The following SEC61A2 variants were observed in gnomAD, a reference collection of about 807,000 sequenced individuals.
SEC61A2 encodes SEC61 translocon subunit alpha 2.
Under a neutral mutation model 59.9 loss-of-function variants are expected in SEC61A2, and 28 were observed. The observed-to-expected ratio is 0.47, with a 90% confidence interval of 0.35 to 0.64. SEC61A2 has a LOEUF of 0.64. Ranked by LOEUF, SEC61A2 falls within the 30% of genes least tolerant of loss-of-function variation. The pLI is 0.01. For synonymous variants in SEC61A2, 202 were observed against 214.4 expected, an observed-to-expected ratio of 0.94 and a Z score of 0.50; for missense variants, 340 against 585.9, an observed-to-expected ratio of 0.58 and a Z score of 4.33.
At position 12,145,168 on chromosome 10, in the gene SEC61A2, C is replaced by G. The variant is rs567100647; in HGVS notation, c.220+1973C>G. 6.6e-6 allele frequency among the ~76,000 whole-genome samples: 1 copy of G among 151,978 alleles called. No homozygotes were observed. The highest frequency in any genetic ancestry group is 2.4e-5 in the African/African-American group (1 of 41,382). ...GTCAGATCATGAAGGGCTTGGAGAC[C>G]GTTGGATGGAGCACATTTTAAGGAA... On this transcript the variant is annotated intron_variant, in intron 4 of 11. Transcript: ENST00000298428. This position sits in a 1 kb window ranked among gnomAD's most constrained non-coding sequence, Gnocchi z 4.4.
rs775948230 is a variant in SEC61A2, at chr10:12,158,458, C to T, written c.975+353C>T. Among the ~76,000 whole-genome samples, 5 of 152,080 alleles carry T rather than the reference C, an allele frequency of 3.3e-5. No homozygotes were observed. The highest frequency in any genetic ancestry group is 4.4e-5 in the Non-Finnish European group (3 of 68,018). ...AAAGATGCTATTTGCTGGCTGGGTG[C>T]GGTGGCTCACTCCTGTAATCCCAGG... On this transcript the variant is annotated intron_variant, in intron 9 of 11. Coordinates refer to ENST00000298428, the MANE Select transcript of SEC61A2 (RefSeq NM_018144.4). The surrounding 1 kb of genome is among the most constrained non-coding windows in gnomAD (Gnocchi z 5.7).
chr10:12,160,945 G>T lies in SEC61A2; in HGVS notation c.991G>T (p.Gly331Ter). 6.2e-7 allele frequency: 1 copy of T among 1,612,700 alleles called. No individual in the cohort carries two copies. The highest frequency in any genetic ancestry group is 8.5e-7 in the Non-Finnish European group (1 of 1,179,390). The change falls in exon 10 of 12, where the codon GGA becomes TGA. Residue 331 changes from glycine (G) to a stop codon, truncating the protein, a stop_gained. Coordinates refer to ENST00000298428, the MANE Select transcript of SEC61A2 (RefSeq NM_018144.4). LOFTEE classifies it high-confidence loss of function. This position sits in a 1 kb window ranked among gnomAD's most constrained non-coding sequence, Gnocchi z 4.1. ...LGQWADVSGGGPARSYPVGGL... is the reference protein window; with the variant it reads ...LGQWADVSGG ...TGTTCTGTAGGATGTCAGTGGGGGA[G>T]GACCCGCACGTTCTTACCCAGTTGG...
rs1267097668 is a variant in SEC61A2 at position 12,152,963 on chromosome 10, G to C, written c.463-2815G>C. Among the ~76,000 whole-genome samples, 1 of 151,818 alleles carries C rather than the reference G, an allele frequency of 6.6e-6. No homozygotes were observed. The highest frequency in any genetic ancestry group is 1.5e-5 in the Non-Finnish European group (1 of 67,976). On this transcript the variant is annotated intron_variant, in intron 6 of 11. Coordinates refer to ENST00000298428, the MANE Select transcript of SEC61A2 (RefSeq NM_018144.4). The surrounding 1 kb of genome is among the most constrained non-coding windows in gnomAD (Gnocchi z 5.5). ...AATCCCAGCTACTAAGGAGGCTGAG[G>C]CAGGAGAATCGCTTGAACTCTGGAG...
In SEC61A2 at chr10:12,155,734, G is replaced by A; in HGVS notation, c.463-44G>A. 6.2e-7 allele frequency: 1 copy of A among 1,611,178 alleles called. No homozygotes were observed. Among genetic ancestry groups the A allele is most frequent in the East Asian group, 2.2e-5 (1 of 44,850 alleles). On this transcript the variant is annotated intron_variant, in intron 6 of 11. Transcript: ENST00000298428. This position sits in a 1 kb window ranked among gnomAD's most constrained non-coding sequence, Gnocchi z 4.3. ...AATGGTGTTCCTCTCCCCCTTTCTTGAGTTTGTTCTTGCTTCCGCTTACTT... is the reference window on the plus strand; with the variant it reads ...AATGGTGTTCCTCTCCCCCTTTCTTAAGTTTGTTCTTGCTTCCGCTTACTT...
chr10:12,155,450 T>C lies in SEC61A2; in HGVS notation c.463-328T>C. ...TTTCTTGCTGTCATAAATTCTAGAATACTGTGATCATTTTTTGTTTCAGTG... is the reference window on the plus strand; with the variant it reads ...TTTCTTGCTGTCATAAATTCTAGAACACTGTGATCATTTTTTGTTTCAGTG... On this transcript the variant is annotated intron_variant, in intron 6 of 11. Transcript: ENST00000298428. The surrounding 1 kb of genome is among the most constrained non-coding windows in gnomAD (Gnocchi z 4.3). 1 of 1,084,666 alleles carries C rather than the reference T, an allele frequency of 9.2e-7. No homozygotes were observed. The highest frequency in any genetic ancestry group is 1.3e-6 in the Non-Finnish European group (1 of 770,956). 67.2% of individuals were successfully genotyped at this position (1,084,666 alleles called of 1,614,324 possible).
chr10:12,147,184 T>C lies in SEC61A2; in HGVS notation c.221-2411T>C, dbSNP rs114181604. On this transcript the variant is annotated intron_variant, in intron 4 of 11. Transcript: ENST00000298428. Reference sequence around the variant, plus strand: ...GGGATGACAGGCGTGAGCCACCATGTCTGCCTTAATAGTTTTATTTTAACC... The same window carrying C: ...GGGATGACAGGCGTGAGCCACCATGCCTGCCTTAATAGTTTTATTTTAACC... Among the ~76,000 whole-genome samples, 397 of 152,316 alleles carry C rather than the reference T, an allele frequency of 2.6e-3. 1 individual carries two copies. The highest frequency in any genetic ancestry group is 9.2e-3 in the African/African-American group (382 of 41,586).
In SEC61A2 at chr10:12,164,695, G is replaced by A; in HGVS notation, c.*241G>A. On this transcript the variant is annotated 3_prime_UTR_variant, in exon 12 of 12. Transcript: ENST00000298428. This position sits in a 1 kb window ranked among gnomAD's most constrained non-coding sequence, Gnocchi z 7.3. Reference sequence around the variant, plus strand: ...TACATCTAGTGTTGCCTGTAATGCTGGAAACCAGTGTATCTACCTTGCTGT... The same window carrying A: ...TACATCTAGTGTTGCCTGTAATGCTAGAAACCAGTGTATCTACCTTGCTGT... 1 of 1,286,614 alleles carries A rather than the reference G, an allele frequency of 7.8e-7. No individual in the cohort carries two copies. The highest frequency in any genetic ancestry group is 9.8e-7 in the Non-Finnish European group (1 of 1,018,520). 79.7% of individuals were successfully genotyped at this position (1,286,614 alleles called of 1,614,324 possible). A position where few individuals can be genotyped will look rare whatever the true frequency, so the allele number is the denominator to read the frequency against.
In SEC61A2 at chr10:12,161,384, T is replaced by C. The variant is rs888870041; in HGVS notation, c.1167+263T>C. 2.2e-4 allele frequency among the ~76,000 whole-genome samples: 34 copies of C among 151,862 alleles called. No individual in the cohort carries two copies. The highest frequency in any genetic ancestry group is 7.7e-4 in the African/African-American group (32 of 41,328). Reference sequence around the variant, plus strand: ...AACGCTTGAGTCCGGGAGGTGGAGGTTGCAGTGAGCCAAGATTGCACCACT... The same window carrying C: ...AACGCTTGAGTCCGGGAGGTGGAGGCTGCAGTGAGCCAAGATTGCACCACT... On this transcript the variant is annotated intron_variant, in intron 10 of 11. Coordinates refer to ENST00000298428, the MANE Select transcript of SEC61A2 (RefSeq NM_018144.4). This position sits in a 1 kb window ranked among gnomAD's most constrained non-coding sequence, Gnocchi z 5.4.
intron 4 of SEC61A2, among the ~76,000 whole-genome samples, chr10:12,144,960 G>A (rs185369707): frequency 6.6e-6 from 1 of 152,042 alleles, no homozygotes; most frequent in Non-Finnish European, 1.5e-5. Flanking sequence ...GAGGTGGGAG[G>A]ATGGCTTGAG....
rs1015404540 is a variant in SEC61A2 at position 12,162,112 on chromosome 10, T to A, written c.1168-101T>A. On this transcript the variant is annotated intron_variant, in intron 10 of 11. Coordinates refer to ENST00000298428, the MANE Select transcript of SEC61A2 (RefSeq NM_018144.4). The surrounding 1 kb of genome is among the most constrained non-coding windows in gnomAD (Gnocchi z 6.1). ...ACAATGCAACTTTCAGGTTATTGTA[T>A]GTTACGTGTTAGTGTGTGGCGAGCA... The A allele has an allele frequency of 1.2e-6, 1 of 859,824 alleles. No homozygotes were observed. The highest frequency in any genetic ancestry group is 1.5e-5 in the South Asian group (1 of 68,172). 53.3% of individuals were successfully genotyped at this position (859,824 alleles called of 1,614,324 possible).
At chr10:12,157,192 G>C in intron 8 of SEC61A2, 125 bp downstream of exon 8, 1 of 907,678 alleles carries the variant, frequency 1.1e-6, no homozygotes. Context: ...ATAAAATTTT[G>C]CAATTAGAGT....
chr10:12,157,502 A>T (rs1258926948), intron 8 of SEC61A2, among the ~76,000 whole-genome samples: 4 of 111,070 alleles, frequency 3.6e-5, no homozygotes, highest in African/African-American at 3.7e-5. Flanking sequence ...CGCCCGGCTA[A>T]TTTTTTTTTT....
intron 3 of SEC61A2, among the ~76,000 whole-genome samples, chr10:12,139,478 C>T (rs948788214): frequency 2.4e-4 from 36 of 150,982 alleles, no homozygotes; most frequent in South Asian, 1.9e-3. Flanking sequence ...GGAGAAACCC[C>T]GTCTCTACTA....
chr10:12,169,338 C>G, downstream of SEC61A2: 1 of 1,541,018 alleles, frequency 6.5e-7, no homozygotes, highest in Non-Finnish European at 8.8e-7. The surrounding 1 kb of genome is among the most constrained non-coding windows in gnomAD (Gnocchi z 4.8). Context: ...AAGATAACCC[C>G]GCACGGCATT....
rs1253072063 is a variant in SEC61A2 at position 12,164,507 on chromosome 10, C to G, written c.*53C>G. ...TGAAAGGGAAAACACTTTGACGGAT[C>G]GTTTTTGTCAGATGACACTGGTGGC... On this transcript the variant is annotated 3_prime_UTR_variant, in exon 12 of 12. Transcript: ENST00000298428. The surrounding 1 kb of genome is among the most constrained non-coding windows in gnomAD (Gnocchi z 7.3). 6 of 1,569,536 alleles carry G rather than the reference C, an allele frequency of 3.8e-6. No individual in the cohort carries two copies. In the East Asian group the frequency reaches 1.4e-4, roughly 36 times the overall value.
intron 4 of SEC61A2, among the ~76,000 whole-genome samples, chr10:12,147,398 A>G (rs1834165217): frequency 6.6e-6 from 1 of 152,110 alleles, no homozygotes; most frequent in South Asian, 2.1e-4. Flanking sequence ...TTTTCTATAC[A>G]TGGAGGCTGG....
At chr10:12,134,045 C>A (rs893144605) in intron 2 of SEC61A2, among the ~76,000 whole-genome samples, 7 of 152,182 alleles carry the variant, frequency 4.6e-5, no homozygotes, top group Non-Finnish European at 8.8e-5. Flanking sequence ...CTCGCTCTGT[C>A]CCCCAGGCTG....
intron 4 of SEC61A2, among the ~76,000 whole-genome samples, chr10:12,147,135 C>T (rs1834158404): frequency 6.6e-6 from 1 of 152,218 alleles, no homozygotes; most frequent in African/African-American, 2.4e-5. Flanking sequence ...AAGTGATCTG[C>T]CTGCCTCAGC....
In SEC61A2 at chr10:12,129,803, C is replaced by A; in HGVS notation, c.7+9C>A. The A allele has an allele frequency of 7.0e-7, 1 of 1,433,910 alleles. No individual in the cohort carries two copies. The highest frequency in any genetic ancestry group is 9.1e-7 in the Non-Finnish European group (1 of 1,093,442). The allele number at this position is 1,433,910 out of a possible 1,614,324, so 88.8% of individuals were successfully genotyped here. Reference sequence around the variant, plus strand: ...AGCAGCAGCCATGGGCAGTGAGTAGCGGCGGCTGGAGCGGGGACTCTGGCT... The same window carrying A: ...AGCAGCAGCCATGGGCAGTGAGTAGAGGCGGCTGGAGCGGGGACTCTGGCT... On this transcript the variant is annotated intron_variant, in intron 1 of 11. Transcript: ENST00000298428. This position sits in a 1 kb window ranked among gnomAD's most constrained non-coding sequence, Gnocchi z 5.6.
Sources: allele counts gnomAD v4.1 joint callset (sites outside exome capture counted in the v4.1 genomes callset), GRCh38; gene constraint gnomAD v4.1.1; non-coding constraint Gnocchi (gnomAD v3.1); transcripts MANE v1.5; gene names NCBI Gene and HGNC (gene_info 2026-07-23, HGNC 2026-07-21).